The following STX8 variants were observed in gnomAD, a reference collection of about 807,000 sequenced individuals.
The protein encoded by STX8 is syntaxin 8.
STX8 carries 23 observed loss-of-function variants against 37.5 expected under a neutral mutation model. The ratio of observed to expected loss-of-function variants is 0.61; its 90% CI spans 0.44 to 0.87. The LOEUF is 0.87. Among genes scored for constraint, STX8 ranks in the 40% least tolerant of loss-of-function variants. The pLI is 0.00. For missense variants in STX8, 313 were observed against 284.7 expected, an observed-to-expected ratio of 1.10 and a Z score of -0.71; for synonymous variants, 115 against 99.1, an observed-to-expected ratio of 1.16 and a Z score of -0.95.
intron 6 of STX8, among the ~76,000 whole-genome samples, chr17:9,449,054 T>C (rs1291118798): frequency 6.6e-6 from 1 of 152,140 alleles, no homozygotes; most frequent in African/African-American, 2.4e-5. Context: ...CTGATGGAAA[T>C]GCAAATAATC....
intron 6 of STX8, among the ~76,000 whole-genome samples, chr17:9,481,691 A>C (rs571893106): frequency 6.6e-6 from 1 of 152,288 alleles, no homozygotes; most frequent in East Asian, 1.9e-4. Flanking sequence ...ACACCAGTCC[A>C]TGGCCTGTTA....
At chr17:9,528,802 A>T (rs1905683316) in intron 4 of STX8, among the ~76,000 whole-genome samples, 1 of 150,102 alleles carries the variant, frequency 6.7e-6, no homozygotes, top group African/African-American at 2.4e-5. Context: ...CCTCTTCGTT[A>T]AAAAAAAAAT....
rs139004398 is a variant in STX8 at position 9,563,252 on chromosome 17, G to A, written c.117+5119C>T. The stretch of plus-strand genomic sequence containing the variant: ...GGATGGAGTGCAGTGGCACGATCTC[G>A]GCTCGCTGTAACCTCCGCCTCCTGA... On this transcript the variant is annotated intron_variant, in intron 2 of 7. Transcript: ENST00000306357. Among the ~76,000 whole-genome samples the A allele has an allele frequency of 7.6e-3, 1,144 of 151,370 alleles. 16 individuals carry two copies. The highest frequency in any genetic ancestry group is 0.027 in the Middle Eastern group (8 of 294).
chr17:9,568,458 G>GT lies in STX8; in HGVS notation c.29dup (p.Tyr10Ter), dbSNP rs1199205913. The GT allele has an allele frequency of 6.2e-7, 1 of 1,612,308 alleles. No homozygotes were observed. Among genetic ancestry groups the GT allele is most frequent in the Non-Finnish European group, 8.5e-7 (1 of 1,179,592 alleles). MAPDPWFST[Y>*]DSTCQIAQEI... ...CTTGGGCAATTTGACAAGTAGAATC[G>GT]TATGTGGAGAACCTGCACCAAAGTC... Residue 10 changes from tyrosine to a stop codon, truncating the protein, a stop_gained and frameshift_variant, in exon 2 of 8, where the codon TAC (tyrosine) becomes TAAC (stop). Transcript: ENST00000306357. LOFTEE classifies it high-confidence loss of function.
chr17:9,267,711 A>G, intron 7 of STX8, among the ~76,000 whole-genome samples: 1 of 152,230 alleles, frequency 6.6e-6, no homozygotes, highest in East Asian at 1.9e-4. Context: ...TAAATTCACC[A>G]GGCACAGTGG....
intron 7 of STX8, among the ~76,000 whole-genome samples, chr17:9,310,656 G>A (rs1002927005): frequency 6.6e-6 from 1 of 152,118 alleles, no homozygotes; most frequent in East Asian, 1.9e-4. Context: ...TGTGGGGTTG[G>A]GGAGGGGTGG....
chr17:9,315,001 C>T (rs1040664581), intron 7 of STX8, among the ~76,000 whole-genome samples: 2 of 150,724 alleles, frequency 1.3e-5, no homozygotes, highest in African/African-American at 4.9e-5. Flanking sequence ...ACTTGGGAGG[C>T]TGAGGCAGGA....
intron 6 of STX8, among the ~76,000 whole-genome samples, chr17:9,399,258 C>A (rs148429625): frequency 8.9e-4 from 136 of 152,268 alleles, no homozygotes; most frequent in African/African-American, 3.1e-3. Context: ...TCCCTATTTA[C>A]ATGGAAGAGT....
intron 7 of STX8, among the ~76,000 whole-genome samples, chr17:9,333,684 T>C (rs60360720): frequency 0.03 from 4,601 of 152,324 alleles, 238 homozygotes; most frequent in African/African-American, 0.1. Flanking sequence ...CCACGGCGCC[T>C]GGCCTAAAAT....
At chr17:9,295,246 G>C (rs1248009221) in intron 7 of STX8, among the ~76,000 whole-genome samples, 1 of 152,080 alleles carries the variant, frequency 6.6e-6, no homozygotes, top group African/African-American at 2.4e-5. Context: ...TCTATGTGAA[G>C]GGATCTTATC....
intron 6 of STX8, among the ~76,000 whole-genome samples, chr17:9,479,794 C>G (rs946832912): frequency 1.3e-5 from 2 of 152,110 alleles, no homozygotes; most frequent in Admixed American, 1.3e-4. Flanking sequence ...ACACCACAAG[C>G]CCTAACCCCC....
At chr17:9,388,352 G>A (rs1285413940) in intron 6 of STX8, among the ~76,000 whole-genome samples, 7 of 151,452 alleles carry the variant, frequency 4.6e-5, no homozygotes, top group African/African-American at 1.2e-4. Flanking sequence ...GATTACAGGC[G>A]TGAGCCACCA....
chr17:9,264,771 A>G (rs1597572123), intron 7 of STX8, among the ~76,000 whole-genome samples: 2 of 152,242 alleles, frequency 1.3e-5, no homozygotes, highest in East Asian at 3.8e-4. Flanking sequence ...TAGAAAAAGC[A>G]TTTAAAACAA....
At chr17:9,413,516 A>T (rs1913048376) in intron 6 of STX8, among the ~76,000 whole-genome samples, 1 of 152,196 alleles carries the variant, frequency 6.6e-6, no homozygotes, top group South Asian at 2.1e-4. Context: ...CTTCCTGAGC[A>T]TCAGATTGTA....
At chr17:9,566,025 T>TA (rs1489000575) in intron 2 of STX8, among the ~76,000 whole-genome samples, 1 of 152,176 alleles carries the variant, frequency 6.6e-6, no homozygotes, top group Non-Finnish European at 1.5e-5. Context: ...ACAAACAACC[T>TA]ACACATTGTG....
intron 7 of STX8, among the ~76,000 whole-genome samples, chr17:9,291,906 C>T (rs1240304594): frequency 2.0e-5 from 3 of 152,146 alleles, no homozygotes; most frequent in Non-Finnish European, 2.9e-5. Flanking sequence ...ACTCTGTGAA[C>T]GTATTCATTT....
chr17:9,537,623 T>C (rs1906111271), intron 4 of STX8, among the ~76,000 whole-genome samples: 1 of 152,218 alleles, frequency 6.6e-6, no homozygotes, highest in Admixed American at 6.5e-5. Flanking sequence ...ACACACCTGC[T>C]GTATACCCAA....
chr17:9,566,819 A>G (rs188390754), intron 2 of STX8, among the ~76,000 whole-genome samples: 32 of 152,296 alleles, frequency 2.1e-4, no homozygotes, highest in African/African-American at 7.2e-4. Context: ...AGACACATGC[A>G]TGTGTATGTT....
At chr17:9,352,447 C>T (rs1378399166) in intron 7 of STX8, among the ~76,000 whole-genome samples, 1 of 147,340 alleles carries the variant, frequency 6.8e-6, no homozygotes, top group Non-Finnish European at 1.5e-5. Flanking sequence ...GAAAGAGCCT[C>T]TCCCCATCCT....
Sources: gnomAD v4.1 joint callset for allele counts (sites outside exome capture counted in the v4.1 genomes callset) on GRCh38, gnomAD v4.1.1 for gene constraint, MANE v1.5 for transcripts, NCBI Gene and HGNC (gene_info 2026-07-23, HGNC 2026-07-21) for gene names.